The following STAG1 variants were observed in gnomAD, a reference collection of about 807,000 sequenced individuals.
STAG1 encodes the protein cohesin subunit SA-1.
STAG1 carries 26 observed loss-of-function variants against 170.9 expected under a neutral mutation model. That is an observed-to-expected ratio of 0.15 (90% CI 0.11 to 0.21). The LOEUF (loss-of-function observed/expected upper bound fraction) is 0.21. Among genes scored for constraint, STAG1 ranks in the 10% least tolerant of loss-of-function variants. STAG1 has a pLI of 1.00. For synonymous variants in STAG1, 514 were observed against 497.7 expected (o/e 1.03, Z -0.44); for missense variants, 964 against 1,509.5 (o/e 0.64, Z 5.99).
At chr3:136,419,762 C>T (rs1251817296) in intron 20 of STAG1, among the ~76,000 whole-genome samples, 1 of 151,718 alleles carries the variant, frequency 6.6e-6, no homozygotes, top group African/African-American at 2.4e-5. Flanking sequence ...CATGCCTGGT[C>T]CCAAATCTTA....
intron 1 of STAG1, among the ~76,000 whole-genome samples, chr3:136,705,102 G>A (rs142166858): frequency 0.011 from 1,675 of 152,004 alleles, 28 homozygotes; most frequent in East Asian, 0.048. Flanking sequence ...CTGGCCAGGC[G>A]CAGTGGCTCA....
intron 4 of STAG1, 62 bp from the exon 5 acceptor site, chr3:136,568,923 T>C: frequency 7.8e-7 from 1 of 1,282,706 alleles, no homozygotes; most frequent in Non-Finnish European, 1.1e-6. Flanking sequence ...GCAAATAAAT[T>C]TTCAAAAAAG....
chr3:136,661,227 T>C (rs1325652714), intron 1 of STAG1, among the ~76,000 whole-genome samples: 2 of 152,196 alleles, frequency 1.3e-5, no homozygotes, highest in Admixed American at 6.5e-5. Flanking sequence ...GTGTCCTAAA[T>C]ATTATTCCAC....
At chr3:136,565,015 C>CAGGA (rs1937006780) in intron 5 of STAG1, among the ~76,000 whole-genome samples, 1 of 22,416 alleles carries the variant, frequency 4.5e-5, no homozygotes, top group African/African-American at 2.4e-4. Context: ...GGAAGGAAGG[C>CAGGA]AGGCAGGCAG....
At chr3:136,486,163 G>A (rs955419812) in intron 9 of STAG1, among the ~76,000 whole-genome samples, 4 of 152,344 alleles carry the variant, frequency 2.6e-5, no homozygotes, top group Non-Finnish European at 5.9e-5. Flanking sequence ...CTTTCTTGAA[G>A]CTACTGTGTA....
At chr3:136,604,662 G>GT (rs1938847292) in intron 3 of STAG1, among the ~76,000 whole-genome samples, 189 bp from the exon 4 acceptor site, 1 of 151,920 alleles carries the variant, frequency 6.6e-6, no homozygotes, top group African/African-American at 2.4e-5. Flanking sequence ...ACTTTCTTTT[G>GT]TTTTTTGAGA....
At chr3:136,662,853 A>C (rs999410587) in intron 1 of STAG1, among the ~76,000 whole-genome samples, 1 of 152,172 alleles carries the variant, frequency 6.6e-6, no homozygotes, top group Non-Finnish European at 1.5e-5. Context: ...GGAGTTCAAG[A>C]CCAGCTTTGC....
At chr3:136,562,927 C>T (rs1460029126) in intron 5 of STAG1, among the ~76,000 whole-genome samples, 1 of 152,082 alleles carries the variant, frequency 6.6e-6, no homozygotes, top group Non-Finnish European at 1.5e-5. Context: ...TTGCAGAGTA[C>T]AGGATAGTTG....
At chr3:136,678,868 A>G (rs1246738606) in intron 1 of STAG1, among the ~76,000 whole-genome samples, 2 of 149,162 alleles carry the variant, frequency 1.3e-5, no homozygotes, top group Non-Finnish European at 3.0e-5. Flanking sequence ...AAAAAAAAAG[A>G]AAAAGAAGAA....
chr3:136,433,875 G>A (rs1454527305), intron 15 of STAG1, among the ~76,000 whole-genome samples: 6 of 151,638 alleles, frequency 4.0e-5, no homozygotes, highest in Non-Finnish European at 7.4e-5. Flanking sequence ...AAGAATAAGA[G>A]GATAAACTCT....
intron 5 of STAG1, among the ~76,000 whole-genome samples, chr3:136,547,008 T>A (rs753494685): frequency 2.6e-5 from 4 of 152,206 alleles, no homozygotes; most frequent in Non-Finnish European, 5.9e-5. Flanking sequence ...AACTCATCTT[T>A]TGCCTAGAAT....
intron 1 of STAG1, among the ~76,000 whole-genome samples, chr3:136,751,672 A>T (rs2107963326): frequency 6.6e-6 from 1 of 152,150 alleles, no homozygotes; most frequent in East Asian, 1.9e-4. Flanking sequence ...CCCTCCGCTG[A>T]AATGAACTCG....
intron 4 of STAG1, among the ~76,000 whole-genome samples, chr3:136,594,560 T>C (rs1938332597): frequency 6.6e-6 from 1 of 152,230 alleles, no homozygotes; most frequent in African/African-American, 2.4e-5. Context: ...ACATAAGCTG[T>C]TGTTATCACT....
chr3:136,619,527 G>A (rs1939746568), intron 3 of STAG1, among the ~76,000 whole-genome samples: 1 of 151,936 alleles, frequency 6.6e-6, no homozygotes. Flanking sequence ...TGAGGCTGAG[G>A]CTGGTGGATC....
chr3:136,391,833 A>G (rs1443807435), intron 22 of STAG1, among the ~76,000 whole-genome samples: 1 of 152,262 alleles, frequency 6.6e-6, no homozygotes, highest in Non-Finnish European at 1.5e-5. Flanking sequence ...TATACTTAGC[A>G]TAACCTGTAA....
intron 28 of STAG1, among the ~76,000 whole-genome samples, chr3:136,352,224 C>A (rs2108271611): frequency 6.6e-6 from 1 of 152,274 alleles, no homozygotes; most frequent in South Asian, 2.1e-4. Flanking sequence ...TGCAGTGGCA[C>A]AATCTTGGCT....
chr3:136,613,351 G>C (rs1939413101), intron 3 of STAG1, among the ~76,000 whole-genome samples: 1 of 143,168 alleles, frequency 7.0e-6, no homozygotes, highest in Non-Finnish European at 1.5e-5. Context: ...CAGAGTTTCT[G>C]TGGTATCACA....
intron 2 of STAG1, among the ~76,000 whole-genome samples, chr3:136,629,566 T>G (rs1303030345): frequency 1.3e-5 from 2 of 152,010 alleles, no homozygotes; most frequent in East Asian, 3.9e-4. Context: ...AAATAAATTT[T>G]ATCTCCCATA....
chr3:136,497,363 T>G (rs759424400), intron 9 of STAG1, among the ~76,000 whole-genome samples: 1 of 152,180 alleles, frequency 6.6e-6, no homozygotes. Flanking sequence ...CATACAACCA[T>G]ATATAGATAA....
Sources: allele counts gnomAD v4.1 joint callset (sites outside exome capture counted in the v4.1 genomes callset), GRCh38; gene constraint gnomAD v4.1.1; transcripts MANE v1.5; gene names NCBI Gene and HGNC (gene_info 2026-07-23, HGNC 2026-07-21).